The following KMT2E variants were observed in gnomAD, a reference collection of about 807,000 sequenced individuals.
The protein encoded by KMT2E is lysine methyltransferase 2E (inactive), also known as histone reader KMT2E.
Under a neutral mutation model 184.6 loss-of-function variants are expected in KMT2E, and 30 were observed. The observed-to-expected ratio is 0.16, with a 90% CI of 0.12 to 0.22. The LOEUF is 0.22. KMT2E is among the 10% of genes least tolerant of loss of function. The probability of loss-of-function intolerance (pLI) is 1.00; values close to 1 mark genes in which losing one functional copy is unlikely to be tolerated. For synonymous variants in KMT2E, 815 were observed against 776.5 expected (o/e 1.05, Z -0.82); for missense variants, 2,023 against 2,237.4 (o/e 0.90, Z 1.93).
chr7:105,021,021 C>G (rs1003172284), intron 1 of KMT2E, among the ~76,000 whole-genome samples: 1 of 152,130 alleles, frequency 6.6e-6, no homozygotes, highest in African/African-American at 2.4e-5. Context: ...AGAGATATCT[C>G]CAGTTCCTCT....
intron 22 of KMT2E, among the ~76,000 whole-genome samples, chr7:105,108,150 G>A (rs1042750902): frequency 4.0e-5 from 6 of 151,876 alleles, no homozygotes; most frequent in Non-Finnish European, 8.8e-5. Context: ...AAGCAGCATG[G>A]TTTCAGAAAA....
intron 1 of KMT2E, among the ~76,000 whole-genome samples, chr7:105,026,727 C>G (rs998668914): frequency 6.6e-6 from 1 of 151,994 alleles, no homozygotes; most frequent in African/African-American, 2.4e-5. Context: ...TATGGTTGTA[C>G]CAAAAGACAA....
chr7:105,066,383 G>A (rs1198080684), intron 5 of KMT2E, among the ~76,000 whole-genome samples: 4 of 152,018 alleles, frequency 2.6e-5, no homozygotes, highest in Non-Finnish European at 5.9e-5. Flanking sequence ...AACGAGGTTC[G>A]AGTCAAGTTC....
intron 3 of KMT2E, among the ~76,000 whole-genome samples, chr7:105,051,169 CTTCCTTCCTTTT>C (rs969919933): frequency 9.5e-5 from 14 of 146,870 alleles, no homozygotes; most frequent in Admixed American, 6.3e-4. Context: ...TTCTTCCTTC[CTTCCTTCCTTTT>C]TTCCTTCCTT....
intron 15 of KMT2E, among the ~76,000 whole-genome samples, chr7:105,097,258 C>A (rs1455838915): frequency 6.6e-6 from 1 of 152,174 alleles, no homozygotes; most frequent in African/African-American, 2.4e-5. Context: ...ACTCCCTGTT[C>A]TGTCCTCCGT....
In KMT2E at chr7:105,077,200, ACAT is replaced by A; in HGVS notation, c.999+11_999+13del. On this transcript the variant is annotated splice_region_variant and intron_variant, in intron 10 of 26. Coordinates refer to ENST00000311117, the MANE Select transcript of KMT2E (RefSeq NM_182931.3). The stretch of plus-strand genomic sequence containing the variant: ...CTTCAAACCTCCTGTAGAGGTAAAT[ACAT>A]CATTTGTCCAAAAATTGTAAAGCAG... 1 of 1,610,292 alleles carries A rather than the reference ACAT, an allele frequency of 6.2e-7. No individual in the cohort carries two copies. Among genetic ancestry groups the A allele is most frequent in the South Asian group, 1.1e-5 (1 of 90,880 alleles).
chr7:105,106,018 T>C lies in KMT2E; in HGVS notation c.2596+15T>C, dbSNP rs76520580. 6.3e-7 allele frequency: 1 copy of C among 1,596,678 alleles called. No homozygotes were observed. The highest frequency in any genetic ancestry group is 8.5e-7 in the Non-Finnish European group (1 of 1,174,980). On this transcript the variant is annotated intron_variant, in intron 19 of 26. Transcript: ENST00000311117. Reference sequence around the variant, plus strand: ...TTCCCTTCCAGGTAGAATTTTTTTTTCAGAGTTTTGGTTTGAGAAATGTGG... The same window carrying C: ...TTCCCTTCCAGGTAGAATTTTTTTTCCAGAGTTTTGGTTTGAGAAATGTGG...
intron 13 of KMT2E, among the ~76,000 whole-genome samples, chr7:105,082,720 T>A (rs1212023314): frequency 6.6e-6 from 1 of 152,126 alleles, no homozygotes; most frequent in Non-Finnish European, 1.5e-5. Flanking sequence ...CTGCCTGGCT[T>A]TTTTGCTTTC....
At chr7:105,015,611 A>G (rs755865314) in intron 1 of KMT2E, among the ~76,000 whole-genome samples, 8 of 152,066 alleles carry the variant, frequency 5.3e-5, no homozygotes, top group African/African-American at 9.7e-5. Context: ...TTTTCCTTCA[A>G]TTTCTGAGAT....
chr7:105,045,933 T>C (rs1445895279), intron 3 of KMT2E, among the ~76,000 whole-genome samples: 2 of 152,206 alleles, frequency 1.3e-5, no homozygotes, highest in Non-Finnish European at 2.9e-5. Context: ...TTCTTCTTTT[T>C]CTTAAATATT....
intron 15 of KMT2E, among the ~76,000 whole-genome samples, chr7:105,092,824 G>T (rs149423350): frequency 1.3e-5 from 2 of 152,122 alleles, no homozygotes; most frequent in African/African-American, 4.8e-5. Context: ...TGTGTGGCAT[G>T]TGTCTGGTGG....
intron 15 of KMT2E, among the ~76,000 whole-genome samples, chr7:105,100,496 T>C (rs1798604979): frequency 6.6e-6 from 1 of 152,178 alleles, no homozygotes; most frequent in South Asian, 2.1e-4. Context: ...TTTTAAGAAC[T>C]GGACAGTTGA....
chr7:105,096,247 CAAAAA>C (rs11330758), intron 15 of KMT2E, among the ~76,000 whole-genome samples: 60 of 69,256 alleles, frequency 8.7e-4, no homozygotes, highest in African/African-American at 1.9e-3. Flanking sequence ...GTGAAAGGCT[CAAAAA>C]AAAAAAAAAA....
At chr7:105,074,139 T>G (rs919930183) in intron 7 of KMT2E, among the ~76,000 whole-genome samples, 1 of 151,718 alleles carries the variant, frequency 6.6e-6, no homozygotes, top group Non-Finnish European at 1.5e-5. Flanking sequence ...ATAATCATAA[T>G]TTATTCAACT....
At chr7:105,041,761 A>G (rs1207807346) in intron 3 of KMT2E, among the ~76,000 whole-genome samples, 2 of 152,188 alleles carry the variant, frequency 1.3e-5, no homozygotes, top group Admixed American at 6.5e-5. Context: ...TTTGTATATA[A>G]TGAAACATTT....
intron 1 of KMT2E, among the ~76,000 whole-genome samples, chr7:105,024,676 A>C (rs1795099531): frequency 6.6e-6 from 1 of 152,198 alleles, no homozygotes; most frequent in South Asian, 2.1e-4. Context: ...ATTGAGCTCC[A>C]GAGAGTTTAA....
chr7:105,112,528 C>G lies in KMT2E; in HGVS notation c.4772C>G (p.Pro1591Arg), dbSNP rs1275140503. The change falls in exon 27 of 27, where the codon CCT becomes CGT. Residue 1591 changes from proline (P) to arginine (R), a missense_variant. This residue lies in a region of KMT2E where 1,108 missense variants were observed against 1,050.9 expected (regional missense o/e 1.05). Transcript: ENST00000311117. ...VFTSGPNQAL[P>R]GTTSQQTVPG... ...ACATCAGGACCAAATCAAGCACTTC[C>G]TGGCACCACAAGCCAGCAAACAGTT... The G allele has an allele frequency of 6.2e-7, 1 of 1,614,016 alleles. No individual in the cohort carries two copies. The highest frequency in any genetic ancestry group is 8.5e-7 in the Non-Finnish European group (1 of 1,180,032).
rs35249094 is a variant in KMT2E at position 105,113,600 on chromosome 7, CTTTT to C, written c.*278_*281del. ...TGATGCTGATTTGATGCTGTATGATCTTTTTTTTTTTTTTAGTTAAATTCATTTA... is the reference window on the plus strand; with the variant it reads ...TGATGCTGATTTGATGCTGTATGATCTTTTTTTTTTAGTTAAATTCATTTA... On this transcript the variant is annotated 3_prime_UTR_variant, in exon 27 of 27. Coordinates refer to ENST00000311117, the MANE Select transcript of KMT2E (RefSeq NM_182931.3). The C allele has an allele frequency of 2.9e-4, 59 of 204,682 alleles. No homozygotes were observed. Among genetic ancestry groups the C allele is most frequent in the Admixed American group, 4.6e-4 (8 of 17,332 alleles). 12.7% of individuals were successfully genotyped at this position (204,682 alleles called of 1,614,324 possible).
chr7:105,024,927 A>T (rs1562875385), intron 1 of KMT2E, among the ~76,000 whole-genome samples: 1 of 152,034 alleles, frequency 6.6e-6, no homozygotes, highest in Non-Finnish European at 1.5e-5. Flanking sequence ...GGTTTCCAGA[A>T]CCTATAGGCT....
Sources: gnomAD v4.1 joint callset for allele counts (sites outside exome capture counted in the v4.1 genomes callset) on GRCh38, gnomAD v4.1.1 for gene constraint, gnomAD v4.1.1 regional missense constraint, MANE v1.5 for transcripts, NCBI Gene and HGNC (gene_info 2026-07-23, HGNC 2026-07-21) for gene names.